The following DNAH3 variants were observed in gnomAD, a reference collection of about 807,000 sequenced individuals.
The protein encoded by DNAH3 is dynein axonemal heavy chain 3, also known as axonemal beta dynein heavy chain 3.
Under a neutral mutation model 432.5 loss-of-function variants are expected in DNAH3, and 332 were observed. The observed-to-expected ratio is 0.77, with a 90% CI of 0.70 to 0.84. DNAH3 has a LOEUF of 0.84. Among genes scored for constraint, DNAH3 ranks in the 40% least tolerant of loss-of-function variants. DNAH3 has a pLI of 0.00. For synonymous variants in DNAH3, 1,956 were observed against 1,900.2 expected (o/e 1.03, Z -0.76); for missense variants, 4,861 against 5,114.0 (o/e 0.95, Z 1.51).
At chr16:21,102,430 C>A (rs137896823) in intron 16 of DNAH3, among the ~76,000 whole-genome samples, 1 of 152,258 alleles carries the variant, frequency 6.6e-6, no homozygotes, top group African/African-American at 2.4e-5. Context: ...GTTTTTCTCC[C>A]CACAGAGGTC....
chr16:21,045,849 C>T (rs1399309322), intron 31 of DNAH3, among the ~76,000 whole-genome samples: 8 of 138,488 alleles, frequency 5.8e-5, no homozygotes, highest in Admixed American at 1.5e-4. Flanking sequence ...GCTTTGAATG[C>T]GTCCCAGAGA....
intron 44 of DNAH3, among the ~76,000 whole-genome samples, chr16:20,996,658 C>T (rs1176464278): frequency 1.3e-5 from 2 of 152,124 alleles, no homozygotes; most frequent in East Asian, 3.9e-4. Flanking sequence ...AGGGTTTTGC[C>T]ATGTTGGCCA....
Position 21,118,888 on chromosome 16 carries a change from T to C in DNAH3, c.1700-1571A>G, listed in dbSNP as rs534398492. 4.6e-5 allele frequency among the ~76,000 whole-genome samples: 7 copies of C among 152,336 alleles called. No homozygotes were observed. In the East Asian group the frequency reaches 7.7e-4, roughly 17 times the overall value. On this transcript the variant is annotated intron_variant, in intron 11 of 61. Transcript: ENST00000261383. ...CCTGCCTGGGACCCATTGTCTTCCATTGTCCTCTCTGCTAAGAAAGATTTT... is the reference window on the plus strand; with the variant it reads ...CCTGCCTGGGACCCATTGTCTTCCACTGTCCTCTCTGCTAAGAAAGATTTT...
chr16:21,124,499 G>A (rs1216171237), intron 9 of DNAH3, among the ~76,000 whole-genome samples: 1 of 152,002 alleles, frequency 6.6e-6, no homozygotes, highest in African/African-American at 2.4e-5. Context: ...AGCTGGACTG[G>A]ACTTCTTAAG....
chr16:21,002,814 G>A (rs970641441), intron 42 of DNAH3, among the ~76,000 whole-genome samples: 2 of 152,094 alleles, frequency 1.3e-5, no homozygotes, highest in African/African-American at 4.8e-5. Flanking sequence ...AAACACTGAT[G>A]TAGCCCCTAG....
intron 41 of DNAH3, among the ~76,000 whole-genome samples, chr16:21,013,038 T>G (rs2087682245): frequency 6.6e-6 from 1 of 152,136 alleles, no homozygotes; most frequent in Non-Finnish European, 1.5e-5. Flanking sequence ...GTGCTGGGAT[T>G]ACAGGTGTGA....
chr16:21,108,470 G>A (rs905866433), intron 14 of DNAH3, among the ~76,000 whole-genome samples: 3 of 152,214 alleles, frequency 2.0e-5, no homozygotes, highest in Admixed American at 6.5e-5. Context: ...TAGGCCGGGT[G>A]TGGTGGCTCA....
At chr16:20,989,109 G>A (rs974914390) in intron 44 of DNAH3, among the ~76,000 whole-genome samples, 2 of 152,186 alleles carry the variant, frequency 1.3e-5, no homozygotes, top group South Asian at 4.1e-4. Context: ...GACCCGAGCG[G>A]GTTACCACTG....
At chr16:20,959,918 CAAAAATAAAGAGGTGAGCACAT>C (rs1405817057) in intron 53 of DNAH3, among the ~76,000 whole-genome samples, 1 of 151,836 alleles carries the variant, frequency 6.6e-6, no homozygotes, top group Non-Finnish European at 1.5e-5. Flanking sequence ...ACGGGGAACT[CAAAAATAAAGAGGTGAGCACAT>C]CAAATAACTA....
chr16:20,952,553 C>A lies in DNAH3; in HGVS notation c.11072-4G>T. On this transcript the variant is annotated splice_polypyrimidine_tract_variant and splice_region_variant and intron_variant, in intron 55 of 61. Transcript: ENST00000261383. ...AATTCATAGGGAATATTCCACCCTG[C>A]GTGTGGGAGAGCAGAGAGAGGCTTC... is the stretch of plus-strand genomic sequence containing the variant. 1 of 1,570,188 alleles carries A rather than the reference C, an allele frequency of 6.4e-7. No individual in the cohort carries two copies. The highest frequency in any genetic ancestry group is 8.8e-7 in the Non-Finnish European group (1 of 1,140,704).
intron 11 of DNAH3, chr16:21,120,509 C>A: frequency 3.4e-6 from 2 of 583,842 alleles, no homozygotes; most frequent in Non-Finnish European, 6.1e-6. Flanking sequence ...AGTCAACCTG[C>A]AGGACTATGT....
At position 20,966,406 on chromosome 16, in the gene DNAH3, C is replaced by T. The variant is rs1455956505; in HGVS notation, c.8459-981G>A. On this transcript the variant is annotated intron_variant, in intron 52 of 61. Transcript: ENST00000261383. ...GCCATGTTGCCCAGGCTGGAGGCCT[C>T]GTTTTAAAAGCCATTGCCATATAGA... 2.6e-5 allele frequency among the ~76,000 whole-genome samples: 4 copies of T among 152,172 alleles called. No individual in the cohort carries two copies. In the East Asian group the frequency reaches 5.8e-4, roughly 22 times the overall value.
At chr16:20,988,214 A>C (rs981434919) in intron 44 of DNAH3, 149 bp from the exon 45 acceptor site, 2 of 832,530 alleles carry the variant, frequency 2.4e-6, no homozygotes, top group Non-Finnish European at 3.7e-6. Flanking sequence ...AGCCACCTGC[A>C]GCAAATTTAA....
chr16:21,025,896 G>A (rs949018764), intron 38 of DNAH3, among the ~76,000 whole-genome samples: 1 of 151,878 alleles, frequency 6.6e-6, no homozygotes, highest in African/African-American at 2.4e-5. Flanking sequence ...ACCATGCTTG[G>A]CTATTTTTTT....
At position 20,985,728 on chromosome 16, in the gene DNAH3, TA is replaced by T. The variant is rs748490792; in HGVS notation, c.7027-14del. 1.3e-5 allele frequency: 21 copies of T among 1,607,186 alleles called. No individual in the cohort carries two copies. The Admixed American group carries it at 3.5e-4, about 27-fold the overall frequency. On this transcript the variant is annotated splice_polypyrimidine_tract_variant and intron_variant, in intron 47 of 61. Coordinates refer to ENST00000261383, the Ensembl canonical transcript of DNAH3. ...AGTGGATAAGCACCTGTAAGAAAAG[TA>T]AATCTCGGCGGGGCATTCAGTGAAT...
At chr16:21,045,127 A>C (rs1245831865) in intron 31 of DNAH3, among the ~76,000 whole-genome samples, 4 of 151,516 alleles carry the variant, frequency 2.6e-5, no homozygotes, top group Non-Finnish European at 5.9e-5. Flanking sequence ...ATATTGGTCT[A>C]AAATTCTCTT....
At chr16:20,946,779 G>T (rs181850545) in intron 57 of DNAH3, among the ~76,000 whole-genome samples, 1 of 144,224 alleles carries the variant, frequency 6.9e-6, no homozygotes, top group African/African-American at 2.5e-5. Context: ...CTGCCCCCAA[G>T]CAAGACTCAA....
intron 36 of DNAH3, among the ~76,000 whole-genome samples, chr16:21,031,611 A>T (rs1352357310): frequency 2.0e-5 from 3 of 152,166 alleles, no homozygotes; most frequent in Admixed American, 6.5e-5. Context: ...CAAAAAAAAA[A>T]AAAAGACTGA....
chr16:21,101,808 C>T (rs2091844448), intron 16 of DNAH3, among the ~76,000 whole-genome samples: 1 of 152,202 alleles, frequency 6.6e-6, no homozygotes, highest in Non-Finnish European at 1.5e-5. Flanking sequence ...AGCTTGCTAG[C>T]TACTCTCCCA....
Sources: gnomAD v4.1 joint callset for allele counts (sites outside exome capture counted in the v4.1 genomes callset) on GRCh38, gnomAD v4.1.1 for gene constraint, MANE v1.5 for transcripts, NCBI Gene and HGNC (gene_info 2026-07-23, HGNC 2026-07-21) for gene names.